FAM117B: variants seen among roughly 807,000 people sequenced by gnomAD.
The protein encoded by FAM117B is family with sequence similarity 117 member B.
In FAM117B, 22 loss-of-function variants were observed where a neutral mutation model predicts 52.8. The observed-to-expected ratio is 0.42, with a 90% CI of 0.30 to 0.59. The LOEUF is 0.59. Ranked by LOEUF, FAM117B falls within the 20% of genes least tolerant of loss-of-function variation. The probability of loss-of-function intolerance (pLI) is 0.22; values close to 1 mark genes in which losing one functional copy is unlikely to be tolerated. For synonymous variants in FAM117B, 309 were observed against 324.1 expected (o/e 0.95, Z 0.50); for missense variants, 678 against 802.6 (o/e 0.84, Z 1.88).
chr2:202,653,059 G>A (rs537849235), intron 1 of FAM117B, among the ~76,000 whole-genome samples: 19 of 152,156 alleles, frequency 1.2e-4, no homozygotes, highest in Non-Finnish European at 2.2e-4. Flanking sequence ...GAGCTCAGGA[G>A]TTTTCGAGAC....
At chr2:202,689,373 C>G (rs1690588966) in intron 1 of FAM117B, among the ~76,000 whole-genome samples, 1 of 152,016 alleles carries the variant, frequency 6.6e-6, no homozygotes, top group African/African-American at 2.4e-5. Context: ...ACCTGCGAGG[C>G]TTGAGGTTGC....
chr2:202,639,574 G>T (rs1419554987), intron 1 of FAM117B, among the ~76,000 whole-genome samples: 4 of 152,172 alleles, frequency 2.6e-5, no homozygotes, highest in African/African-American at 4.8e-5. Context: ...GATTACAAAT[G>T]GAGAGATGGT....
intron 2 of FAM117B, among the ~76,000 whole-genome samples, chr2:202,699,426 C>CAA (rs751190825): frequency 0.025 from 440 of 17,494 alleles, no homozygotes; most frequent in Non-Finnish European, 0.028. Context: ...GACCCCATCT[C>CAA]AAAAAAAAAA....
Position 202,723,383 on chromosome 2 carries a change from G to A in FAM117B, c.754-1534G>A, listed in dbSNP as rs909727879. On this transcript the variant is annotated intron_variant, in intron 2 of 7. Coordinates refer to ENST00000392238, the MANE Select transcript of FAM117B (RefSeq NM_173511.4). ...TACAAAATTCAGAAGGTACAGAAGG[G>A]TATACACTAAGGGTCTTTTTCCCCA... 7.2e-5 allele frequency among the ~76,000 whole-genome samples: 11 copies of A among 152,014 alleles called. 1 individual carries two copies.
intron 1 of FAM117B, among the ~76,000 whole-genome samples, chr2:202,672,044 C>G (rs1690307837): frequency 6.6e-6 from 1 of 152,154 alleles, no homozygotes; most frequent in Non-Finnish European, 1.5e-5. Flanking sequence ...AGACCAGTTG[C>G]ATGGCTGTGA....
intron 4 of FAM117B, among the ~76,000 whole-genome samples, chr2:202,744,534 C>T (rs1231916104): frequency 6.6e-6 from 1 of 152,002 alleles, no homozygotes; most frequent in Non-Finnish European, 1.5e-5. Flanking sequence ...ACAAACATCC[C>T]AATGATAGCA....
intron 4 of FAM117B, among the ~76,000 whole-genome samples, chr2:202,744,434 C>A (rs1050816449): frequency 6.6e-6 from 1 of 152,148 alleles, no homozygotes; most frequent in Admixed American, 6.5e-5. Flanking sequence ...TTAATCTATT[C>A]ATGAGAAATC....
chr2:202,635,815 G>T, intron 1 of FAM117B, 27 bp downstream of exon 1: 1 of 1,406,696 alleles, frequency 7.1e-7, no homozygotes, highest in Non-Finnish European at 9.3e-7. Flanking sequence ...GCGCAGCAAG[G>T]GGGAGGCGGC....
intron 1 of FAM117B, among the ~76,000 whole-genome samples, chr2:202,668,856 T>A (rs1435929032): frequency 6.6e-6 from 1 of 152,156 alleles, no homozygotes; most frequent in Non-Finnish European, 1.5e-5. Flanking sequence ...ATTTAATGTT[T>A]CAGAGAATTT....
At chr2:202,712,297 A>AT (rs1237286879) in intron 2 of FAM117B, among the ~76,000 whole-genome samples, 2 of 151,292 alleles carry the variant, frequency 1.3e-5, no homozygotes, top group Non-Finnish European at 2.9e-5. Context: ...ATTTGTAGCT[A>AT]TTGTAAATGG....
intron 4 of FAM117B, among the ~76,000 whole-genome samples, chr2:202,743,942 C>T (rs928761623): frequency 1.1e-4 from 16 of 152,220 alleles, no homozygotes; most frequent in African/African-American, 3.4e-4. Flanking sequence ...TCAAAGGCAT[C>T]GAAAACCTAT....
intron 1 of FAM117B, among the ~76,000 whole-genome samples, chr2:202,652,342 C>T (rs1689969594): frequency 6.6e-6 from 1 of 152,074 alleles, no homozygotes; most frequent in Non-Finnish European, 1.5e-5. Context: ...TTCAGACAAT[C>T]CTCTTTCTTT....
chr2:202,753,029 A>G (rs532187605), intron 4 of FAM117B, among the ~76,000 whole-genome samples: 1 of 152,260 alleles, frequency 6.6e-6, no homozygotes, highest in Non-Finnish European at 1.5e-5. Flanking sequence ...TAAATTTCAT[A>G]TGGAATCAAA....
At chr2:202,737,607 CTTTT>C (rs112643875) in intron 4 of FAM117B, among the ~76,000 whole-genome samples, 3 of 146,936 alleles carry the variant, frequency 2.0e-5, no homozygotes, top group African/African-American at 7.4e-5. Flanking sequence ...AATAGTTTAA[CTTTT>C]TTTTTTTTGA....
At chr2:202,715,220 C>A (rs1206279762) in intron 2 of FAM117B, among the ~76,000 whole-genome samples, 8 of 145,068 alleles carry the variant, frequency 5.5e-5, no homozygotes, top group Non-Finnish European at 6.2e-5. Flanking sequence ...GACCCCACAC[C>A]TCCCTCCCGG....
chr2:202,662,119 G>GGT (rs35842700), intron 1 of FAM117B, among the ~76,000 whole-genome samples: 41,373 of 149,572 alleles, frequency 0.28, 6,080 homozygotes, highest in East Asian at 0.53. Context: ...ATGTGAGGTA[G>GGT]GTGTGTGTGT....
intron 1 of FAM117B, among the ~76,000 whole-genome samples, chr2:202,680,921 A>G (rs1420031729): frequency 6.6e-6 from 1 of 152,246 alleles, no homozygotes; most frequent in East Asian, 1.9e-4. Flanking sequence ...ATGGTAAGAT[A>G]AAAGGACTCT....
At chr2:202,697,872 A>G (rs1339036796) in intron 2 of FAM117B, among the ~76,000 whole-genome samples, 3 of 150,746 alleles carry the variant, frequency 2.0e-5, no homozygotes, top group African/African-American at 7.3e-5. Flanking sequence ...TTTTATTTTT[A>G]TTTTTATTTT....
At chr2:202,732,547 G>T (rs192996945) in intron 4 of FAM117B, among the ~76,000 whole-genome samples, 46 of 152,238 alleles carry the variant, frequency 3.0e-4, no homozygotes, top group Admixed American at 2.6e-4. Context: ...GGCCAGGCAC[G>T]GCGGCTTATG....
Sources: gnomAD v4.1 joint callset for allele counts (sites outside exome capture counted in the v4.1 genomes callset) on GRCh38, gnomAD v4.1.1 for gene constraint, MANE v1.5 for transcripts, NCBI Gene and HGNC (gene_info 2026-07-23, HGNC 2026-07-21) for gene names.